The following SNX13 variants were observed in gnomAD, a reference collection of about 807,000 sequenced individuals.
SNX13 encodes the protein sorting nexin-13.
A neutral mutation model predicts 133.6 loss-of-function variants in SNX13; 45 were observed. The observed-to-expected ratio is 0.34, with a 90% CI of 0.27 to 0.43. The LOEUF (loss-of-function observed/expected upper bound fraction) is 0.43, where lower values mean the gene tolerates loss of function less well. SNX13 is among the 20% of genes least tolerant of loss of function. The pLI, the probability that SNX13 is intolerant of heterozygous loss-of-function variation, is 1.00. For missense variants in SNX13, 1,032 were observed against 1,145.1 expected (o/e 0.90, Z 1.43); for synonymous variants, 414 against 373.9 (o/e 1.11, Z -1.24).
At chr7:17,842,314 A>G (rs1166353354) in intron 12 of SNX13, among the ~76,000 whole-genome samples, 2 of 152,128 alleles carry the variant, frequency 1.3e-5, no homozygotes, top group East Asian at 1.9e-4. Context: ...AGTGATATTC[A>G]AAGTGCTAAA....
chr7:17,918,413 G>T (rs1279665257), intron 1 of SNX13, among the ~76,000 whole-genome samples: 1 of 147,362 alleles, frequency 6.8e-6, no homozygotes, highest in East Asian at 2.0e-4. Flanking sequence ...GAATCCGTAA[G>T]AAACTTAAGA....
chr7:17,926,677 G>T lies in SNX13; in HGVS notation c.12+13607C>A, dbSNP rs114387860. On this transcript the variant is annotated intron_variant, in intron 1 of 25. Coordinates refer to ENST00000428135, the MANE Select transcript of SNX13 (RefSeq NM_015132.5). ...GAGGTGGATGGATTACTTTGAGCTC[G>T]GGAGTTTGAGATCAGCCTAAGCAAC... Among the ~76,000 whole-genome samples, 515 of 152,142 alleles carry T rather than the reference G, an allele frequency of 3.4e-3. 1 individual carries two copies. The highest frequency in any genetic ancestry group is 0.012 in the African/African-American group (485 of 41,532).
chr7:17,938,368 A>T (rs1802354204), intron 1 of SNX13, among the ~76,000 whole-genome samples: 1 of 152,222 alleles, frequency 6.6e-6, no homozygotes, highest in African/African-American at 2.4e-5. Flanking sequence ...GACTGTCACT[A>T]ATATTTAATA....
intron 8 of SNX13, among the ~76,000 whole-genome samples, chr7:17,872,333 T>A (rs1012976162): frequency 1.3e-5 from 2 of 152,186 alleles, no homozygotes; most frequent in South Asian, 4.1e-4. Flanking sequence ...AAGGAAAAGA[T>A]GGCAAGACAT....
intron 20 of SNX13, among the ~76,000 whole-genome samples, chr7:17,806,828 G>A (rs752403445): frequency 3.9e-5 from 6 of 152,192 alleles, no homozygotes; most frequent in Admixed American, 2.6e-4. Flanking sequence ...AGGGTGGGGC[G>A]TCGCGTCACG....
intron 9 of SNX13, among the ~76,000 whole-genome samples, chr7:17,856,785 T>TAAAAAAAAAAAAAAAAAAAAAA (rs200753998): frequency 3.1e-5 from 3 of 97,582 alleles, no homozygotes; most frequent in Non-Finnish European, 6.2e-5. Context: ...GAGACTCTCT[T>TAAAAAAAAAAAAAAAAAAAAAA]AAAAAAAAAA....
chr7:17,857,098 C>G (rs1237293679), intron 9 of SNX13, among the ~76,000 whole-genome samples: 2 of 151,948 alleles, frequency 1.3e-5, no homozygotes, highest in African/African-American at 2.4e-5. Flanking sequence ...CATCAGAGAC[C>G]ATTATAAATA....
At chr7:17,847,557 C>G (rs2691615) in intron 11 of SNX13, among the ~76,000 whole-genome samples, 91,728 of 151,998 alleles carry the variant, frequency 0.6, 29,017 homozygotes, top group African/African-American at 0.79. Context: ...AGACCAGAGA[C>G]TCACAAATAA....
chr7:17,822,662 G>C (rs1389974398), intron 17 of SNX13, among the ~76,000 whole-genome samples: 1 of 152,068 alleles, frequency 6.6e-6, no homozygotes, highest in Non-Finnish European at 1.5e-5. Flanking sequence ...ATTTCTTTCT[G>C]TTGCTATTAA....
At chr7:17,935,049 G>A (rs914929283) in intron 1 of SNX13, among the ~76,000 whole-genome samples, 1 of 152,150 alleles carries the variant, frequency 6.6e-6, no homozygotes, top group African/African-American at 2.4e-5. Flanking sequence ...AACTCAATAT[G>A]TTGAAAGGAT....
intron 2 of SNX13, among the ~76,000 whole-genome samples, chr7:17,893,929 G>A (rs979379579): frequency 6.0e-5 from 9 of 149,172 alleles, no homozygotes; most frequent in African/African-American, 2.0e-4. Context: ...CTGAGATCAC[G>A]CCACTGCACT....
At chr7:17,884,040 G>C (rs1186215795) in intron 5 of SNX13, among the ~76,000 whole-genome samples, 2 of 152,168 alleles carry the variant, frequency 1.3e-5, no homozygotes, top group African/African-American at 2.4e-5. Context: ...TAAAATCGTT[G>C]CTGTTTGGCT....
intron 5 of SNX13, among the ~76,000 whole-genome samples, chr7:17,886,177 C>T (rs564285892): frequency 7.2e-4 from 110 of 152,194 alleles, no homozygotes; most frequent in Non-Finnish European, 1.4e-3. Context: ...GATACTATAT[C>T]ATTAGTATCA....
At position 17,791,119 on chromosome 7, in the gene SNX13, G is replaced by C. The variant is rs921970977; in HGVS notation, c.*2926C>G. 6.6e-6 allele frequency: 1 copy of C among 152,148 alleles called. No individual in the cohort carries two copies. Among genetic ancestry groups the C allele is most frequent in the African/African-American group, 2.4e-5 (1 of 41,562 alleles). 9.4% of individuals were successfully genotyped at this position (152,148 alleles called of 1,614,324 possible). ...TAAAAGGATGCAGCAACAACGGAAT[G>C]TAAGTTGTTGGATTAAGAAGACAGT... On this transcript the variant is annotated 3_prime_UTR_variant, in exon 26 of 26. Coordinates refer to ENST00000428135, the MANE Select transcript of SNX13 (RefSeq NM_015132.5).
chr7:17,848,718 G>A (rs575913486), intron 11 of SNX13, among the ~76,000 whole-genome samples: 7 of 152,322 alleles, frequency 4.6e-5, no homozygotes, highest in South Asian at 2.1e-4. Context: ...CGCCAGTGCC[G>A]AAGTGGCAGG....
chr7:17,850,413 T>C lies in SNX13; in HGVS notation c.999A>G (p.Gln333=). 6.3e-7 allele frequency: 1 copy of C among 1,582,088 alleles called. No homozygotes were observed. The highest frequency in any genetic ancestry group is 8.6e-7 in the Non-Finnish European group (1 of 1,164,110). Residue 333 remains glutamine (Q), a synonymous_variant, in exon 11 of 26, where the codon CAA becomes CAG. Transcript: ENST00000428135. ...TCTTTACGAATAGTAAGCTATTTAT[T>C]TGATTTTTGATAGTGTTGATATCTA... ...AGDDINTIKN[Q]INSLLFVKKV... is the part of the protein sequence containing the mutation.
intron 20 of SNX13, among the ~76,000 whole-genome samples, chr7:17,807,261 G>A (rs1417745516): frequency 6.6e-6 from 1 of 152,150 alleles, no homozygotes; most frequent in African/African-American, 2.4e-5. Flanking sequence ...GGACACTCGA[G>A]CTTGGTGGGG....
At chr7:17,829,594 C>G (rs1054315732) in intron 16 of SNX13, among the ~76,000 whole-genome samples, 1 of 151,320 alleles carries the variant, frequency 6.6e-6, no homozygotes, top group Non-Finnish European at 1.5e-5. Flanking sequence ...GTTATCCCCA[C>G]TAGTTTTGTA....
chr7:17,798,725 T>G lies in SNX13; in HGVS notation c.2478A>C (p.Ser826=), dbSNP rs542618844. ...TCACTGAGTCGGCTACTTGTTCAGG[T>G]GAAGTCATCCAGTCAACATGGTCAA... The part of the protein sequence containing the change: ...KIVDHVDWMT[S]PEQVADSVKR... The change falls in exon 24 of 26, where the codon TCA becomes TCC. Residue 826 remains serine (S), a synonymous_variant. Coordinates refer to ENST00000428135, the MANE Select transcript of SNX13 (RefSeq NM_015132.5). 6.4e-7 allele frequency: 1 copy of G among 1,571,514 alleles called. No individual in the cohort carries two copies. The highest frequency in any genetic ancestry group is 8.6e-7 in the Non-Finnish European group (1 of 1,162,596).
Sources: allele counts gnomAD v4.1 joint callset (sites outside exome capture counted in the v4.1 genomes callset), GRCh38; gene constraint gnomAD v4.1.1; transcripts MANE v1.5; gene names NCBI Gene and HGNC (gene_info 2026-07-23, HGNC 2026-07-21).